WNK3: variants seen among roughly 807,000 people sequenced by gnomAD.
WNK3 encodes WNK lysine deficient protein kinase 3.
WNK3 carries 18 observed loss-of-function variants against 116.7 expected under a neutral mutation model. That is an observed-to-expected ratio of 0.15 (90% confidence interval 0.11 to 0.23). WNK3 has a LOEUF of 0.23. Ranked by LOEUF, WNK3 falls within the 10% of genes least tolerant of loss-of-function variation. The probability of loss-of-function intolerance (pLI) is 1.00; values close to 1 mark genes in which losing one functional copy is unlikely to be tolerated. For synonymous variants in WNK3, 404 were observed against 469.4 expected, an observed-to-expected ratio of 0.86 and a Z score of 1.80; for missense variants, 993 against 1,323.8, an observed-to-expected ratio of 0.75 and a Z score of 3.88.
intron 5 of WNK3, 106 bp downstream of exon 5, chrX:54,307,816 T>C (rs781935538): frequency 3.0e-6 from 2 of 657,125 alleles, no homozygotes; most frequent in East Asian, 6.7e-5. Flanking sequence ...ATTTTAATAC[T>C]GTTACCTAGA....
chrX:54,291,270 G>A (rs781925386), intron 10 of WNK3, among the ~76,000 whole-genome samples: 28 of 110,526 alleles, frequency 2.5e-4, no homozygotes, highest in Non-Finnish European at 4.0e-4. Flanking sequence ...CCGAGATCGC[G>A]CCACTGCACT....
intron 1 of WNK3, among the ~76,000 whole-genome samples, chrX:54,345,262 CA>C (rs2069400693): frequency 2.0e-5 from 2 of 101,583 alleles, no homozygotes; most frequent in Non-Finnish European, 4.0e-5. Context: ...ACAACAACAA[CA>C]ACAACAACAA....
chrX:54,282,731 T>C (rs969295242), intron 10 of WNK3, among the ~76,000 whole-genome samples: 1 of 111,644 alleles, frequency 9.0e-6, no homozygotes, highest in Non-Finnish European at 1.9e-5. Flanking sequence ...GAATAGTCTT[T>C]TGAATAAATG....
chrX:54,345,449 A>G (rs1385750903), intron 1 of WNK3, among the ~76,000 whole-genome samples: 1 of 110,937 alleles, frequency 9.0e-6, no homozygotes, highest in East Asian at 2.8e-4. Context: ...AAGTGAATTC[A>G]TATTTCCCAG....
intron 10 of WNK3, among the ~76,000 whole-genome samples, chrX:54,281,920 G>A (rs1557162481): frequency 9.0e-6 from 1 of 111,307 alleles, no homozygotes; most frequent in African/African-American, 3.3e-5. Flanking sequence ...CAATGAACAT[G>A]AGGTTGCAGA....
intron 1 of WNK3, among the ~76,000 whole-genome samples, chrX:54,349,796 G>A (rs1387872210): frequency 9.0e-6 from 1 of 111,379 alleles, no homozygotes; most frequent in African/African-American, 3.3e-5. Context: ...GGAGAATCTT[G>A]TGAGCCTTAG....
exon 1 of WNK3, chrX:54,357,934 CG>C (rs2147372635): frequency 8.9e-6 from 1 of 112,445 alleles, no homozygotes; most frequent in East Asian, 2.9e-4. Context: ...CAGCTACGGC[CG>C]GTAGGTAAAG....
intron 22 of WNK3, among the ~76,000 whole-genome samples, chrX:54,226,830 ACT>A (rs781930309): frequency 6.2e-5 from 7 of 112,044 alleles, no homozygotes; most frequent in Admixed American, 4.8e-4. Flanking sequence ...ACGGAGTGAG[ACT>A]CTATCTCAAA....
At chrX:54,264,971 A>G (rs2068293816) in intron 10 of WNK3, among the ~76,000 whole-genome samples, 1 of 111,170 alleles carries the variant, frequency 9.0e-6, no homozygotes, top group Non-Finnish European at 1.9e-5. Flanking sequence ...CCAAATGAGC[A>G]AGGATGCAGA....
At chrX:54,321,885 G>T (rs1557172355) in intron 2 of WNK3, among the ~76,000 whole-genome samples, 2 of 108,346 alleles carry the variant, frequency 1.8e-5, no homozygotes, top group Non-Finnish European at 3.8e-5. Flanking sequence ...GCTTGACCCG[G>T]GAGGCAGAAA....
At chrX:54,299,043 T>C (rs1386237467) in intron 6 of WNK3, among the ~76,000 whole-genome samples, 1 of 111,968 alleles carries the variant, frequency 8.9e-6, no homozygotes, top group Non-Finnish European at 1.9e-5. Flanking sequence ...CCTAGCCTAG[T>C]ATTAGGGATT....
intron 1 of WNK3, among the ~76,000 whole-genome samples, chrX:54,350,316 A>C (rs906766318): frequency 7.3e-5 from 8 of 109,971 alleles, no homozygotes; most frequent in African/African-American, 2.6e-4. Context: ...AGGCTGAGGC[A>C]GGAGAACGGC....
At chrX:54,338,513 G>A (rs1439347425) in intron 1 of WNK3, among the ~76,000 whole-genome samples, 2 of 109,907 alleles carry the variant, frequency 1.8e-5, no homozygotes, top group African/African-American at 6.6e-5. Flanking sequence ...CCTGAGCCTG[G>A]GAAGTTGAGG....
At chrX:54,307,381 T>C (rs1194171588) in intron 5 of WNK3, among the ~76,000 whole-genome samples, 1 of 111,331 alleles carries the variant, frequency 9.0e-6, no homozygotes, top group Admixed American at 9.7e-5. Flanking sequence ...CTTCCTTATG[T>C]CCCTTACTAT....
At chrX:54,211,618 A>G (rs1228512582) in intron 22 of WNK3, among the ~76,000 whole-genome samples, 2 of 110,272 alleles carry the variant, frequency 1.8e-5, no homozygotes, top group African/African-American at 3.3e-5. Context: ...AGCCTGGCCA[A>G]TATGGTGAAA....
chrX:54,237,025 T>C (rs1557150252), exon 20 of WNK3: 22 of 1,212,133 alleles, frequency 1.8e-5, no homozygotes, highest in Non-Finnish European at 2.1e-5. Context: ...AGATGGCGAA[T>C]AGAAGAGTGA....
In WNK3 at chrX:54,314,192, C is replaced by CA. The variant is rs1384345291; in HGVS notation, c.538-2902dup. On this transcript the variant is annotated intron_variant, in intron 2 of 23. Coordinates refer to ENST00000354646, the Ensembl canonical transcript of WNK3. ...TGGGCGACAGAGTGAGACTCTGTCT[C>CA]AAAAAAAAAAACAAAAAAAAAAAAA... is the stretch of plus-strand genomic sequence containing the variant. Among the ~76,000 whole-genome samples the CA allele has an allele frequency of 2.3e-3, 92 of 39,443 alleles. No homozygotes were observed. The South Asian group carries it at 0.03, about 13-fold the overall frequency. 34.3% of individuals were successfully genotyped at this position (39,443 alleles called of 115,157 possible). A position where few individuals can be genotyped will look rare whatever the true frequency, so the allele number is the denominator to read the frequency against.
intron 5 of WNK3, among the ~76,000 whole-genome samples, chrX:54,304,541 A>AT (rs1557168228): frequency 1.0e-5 from 1 of 100,078 alleles, no homozygotes; most frequent in Non-Finnish European, 2.0e-5. Context: ...CACTGTCTCC[A>AT]AAAAAAAAAA....
intron 10 of WNK3, among the ~76,000 whole-genome samples, chrX:54,273,001 T>C (rs781830201): frequency 8.9e-6 from 1 of 111,905 alleles, no homozygotes; most frequent in Non-Finnish European, 1.9e-5. Flanking sequence ...TGAAAACAAG[T>C]AATACATAAC....
Sources: gnomAD v4.1 joint callset for allele counts (sites outside exome capture counted in the v4.1 genomes callset) on GRCh38, gnomAD v4.1.1 for gene constraint, MANE v1.5 for transcripts, NCBI Gene and HGNC (gene_info 2026-07-23, HGNC 2026-07-21) for gene names.